The following SPACA9 variants were observed in gnomAD, a reference collection of about 807,000 sequenced individuals.
SPACA9 encodes sperm acrosome-associated protein 9.
SPACA9 carries 14 observed loss-of-function variants against 12.5 expected under a neutral mutation model. The ratio of observed to expected loss-of-function variants is 1.12; its 90% confidence interval spans 0.74 to 1.75. The LOEUF is 1.75. Ranked by LOEUF, SPACA9 falls within the 40% of genes most tolerant of loss-of-function variation. SPACA9 has a pLI of 0.00. For missense variants in SPACA9, 292 were observed against 291.9 expected, an observed-to-expected ratio of 1.00 and a Z score of 0.00; for synonymous variants, 111 against 114.1, an observed-to-expected ratio of 0.97 and a Z score of 0.17.
chr9:132,878,374 G>T, upstream of SPACA9: 2 of 1,248,254 alleles, frequency 1.6e-6, no homozygotes, highest in Non-Finnish European at 2.0e-6. This position sits in a 1 kb window ranked among gnomAD's most constrained non-coding sequence, Gnocchi z 4.7. Context: ...CCAGATACCC[G>T]ATCCTCGGTC....
Position 132,888,398 on chromosome 9 carries a change from C to T in SPACA9, c.456C>T (p.Ile152=), listed in dbSNP as rs201493036. 12 of 1,614,024 alleles carry T rather than the reference C, an allele frequency of 7.4e-6. No individual in the cohort carries two copies. Among genetic ancestry groups the T allele is most frequent in the Admixed American group, 5.0e-5 (3 of 60,022 alleles). ...TCCTAGACTTAATGAAAGAATGGAT[C>T]GCCCACTCCGAGAAGTTGCCGCGCA... ...PLILDLMKEW[I]AHSEKLPRKV... Residue 152 remains isoleucine, a synonymous_variant, in exon 4 of 4, where the codon ATC becomes ATT. Transcript: ENST00000356311. The surrounding 1 kb of genome is among the most constrained non-coding windows in gnomAD (Gnocchi z 5.0).
At position 132,887,610 on chromosome 9, in the gene SPACA9, G is replaced by A. The variant is rs369244458; in HGVS notation, c.347+39G>A. The A allele has an allele frequency of 3.0e-4, 468 of 1,568,932 alleles. 2 individuals are homozygous for A. The African/African-American group carries it at 5.8e-3, about 19-fold the overall frequency. Reference sequence around the variant, plus strand: ...ATGCTGCTCTTGAGGCCCCGTGTGTGCCTGTGGGGAGGCCTCTGTCCTGCT... The same window carrying A: ...ATGCTGCTCTTGAGGCCCCGTGTGTACCTGTGGGGAGGCCTCTGTCCTGCT... On this transcript the variant is annotated intron_variant, in intron 3 of 3. Transcript: ENST00000356311. The surrounding 1 kb of genome is among the most constrained non-coding windows in gnomAD (Gnocchi z 5.4).
At chr9:132,880,646 A>G (rs1054323277) in intron 1 of SPACA9, among the ~76,000 whole-genome samples, 4 of 152,194 alleles carry the variant, frequency 2.6e-5, no homozygotes, top group African/African-American at 9.7e-5. Flanking sequence ...GAGTGCCGGC[A>G]ATTCAATCAT....
chr9:132,889,802 C>A lies in SPACA9; in HGVS notation c.*1191C>A, dbSNP rs2131501260. The A allele has an allele frequency of 7.6e-7, 1 of 1,323,546 alleles. No homozygotes were observed. Among genetic ancestry groups the A allele is most frequent in the South Asian group, 2.6e-5 (1 of 38,472 alleles). The allele number at this position is 1,323,546 out of a possible 1,614,324, so 82.0% of individuals were successfully genotyped here. A position where few individuals can be genotyped will look rare whatever the true frequency, so the allele number is the denominator to read the frequency against. On this transcript the variant is annotated 3_prime_UTR_variant, in exon 4 of 4. Coordinates refer to ENST00000356311, the MANE Select transcript of SPACA9 (RefSeq NM_001316897.2). The stretch of plus-strand genomic sequence containing the variant: ...TTCGCCTTTACTTGGGAGAGGGAGA[C>A]CATGACAGAAGCCAGAATTCTGATT...
intron 2 of SPACA9, among the ~76,000 whole-genome samples, chr9:132,886,708 T>A (rs767427219): frequency 6.6e-6 from 1 of 152,206 alleles, no homozygotes; most frequent in South Asian, 2.1e-4. Context: ...AGGGTTTAGA[T>A]GAAGACAGGC....
intron 2 of SPACA9, among the ~76,000 whole-genome samples, chr9:132,885,214 A>G (rs1300649718): frequency 2.0e-5 from 3 of 151,692 alleles, no homozygotes; most frequent in African/African-American, 7.3e-5. Context: ...TTTAACTCAA[A>G]AAAATGTTAA....
intron 2 of SPACA9, among the ~76,000 whole-genome samples, chr9:132,885,432 G>A (rs1844538422): frequency 7.0e-6 from 1 of 141,936 alleles, no homozygotes; most frequent in Non-Finnish European, 1.5e-5. Flanking sequence ...AGAATCACAT[G>A]AACCCTGGAG....
chr9:132,885,966 C>T (rs1334950760), intron 2 of SPACA9, among the ~76,000 whole-genome samples: 1 of 152,178 alleles, frequency 6.6e-6, no homozygotes, highest in Non-Finnish European at 1.5e-5. Flanking sequence ...GGTTCCTCCT[C>T]CTCGACCCCT....
chr9:132,882,594 A>G (rs895230161), intron 1 of SPACA9, among the ~76,000 whole-genome samples: 2 of 151,590 alleles, frequency 1.3e-5, no homozygotes, highest in Non-Finnish European at 2.9e-5. Flanking sequence ...TGCTCTGGAC[A>G]CAGCAGAAAG....
chr9:132,878,796 C>T (rs922327755), upstream of SPACA9: 88 of 984,888 alleles, frequency 8.9e-5, no homozygotes, highest in Non-Finnish European at 1.0e-4. This position sits in a 1 kb window ranked among gnomAD's most constrained non-coding sequence, Gnocchi z 4.7. Flanking sequence ...CTCCCAGCTC[C>T]CCGGCTCTGG....
Position 132,889,624 on chromosome 9 carries a change from A to T in SPACA9, c.*1013A>T. 1 of 543,866 alleles carries T rather than the reference A, an allele frequency of 1.8e-6. No individual in the cohort carries two copies. Among genetic ancestry groups the T allele is most frequent in the South Asian group, 8.0e-5 (1 of 12,438 alleles). The allele number at this position is 543,866 out of a possible 1,614,324, so 33.7% of individuals were successfully genotyped here. A position where few individuals can be genotyped will look rare whatever the true frequency, so the allele number is the denominator to read the frequency against. ...GAGACGGGGCTTCACCACGTTGGCC[A>T]GGCTGGTCTTGAACTCCTGACCTCA... On this transcript the variant is annotated 3_prime_UTR_variant, in exon 4 of 4. Coordinates refer to ENST00000356311, the MANE Select transcript of SPACA9 (RefSeq NM_001316897.2).
Position 132,889,324 on chromosome 9 carries a change from TG to T in SPACA9, c.*714del. On this transcript the variant is annotated 3_prime_UTR_variant, in exon 4 of 4. Coordinates refer to ENST00000356311, the MANE Select transcript of SPACA9 (RefSeq NM_001316897.2). ...TCCTTGCCCCACCACCAGCCCCAACTGTAGGCAAGGCACACGCTGTTTGCGA... is the reference window on the plus strand; with the variant it reads ...TCCTTGCCCCACCACCAGCCCCAACTTAGGCAAGGCACACGCTGTTTGCGA... 1 of 985,578 alleles carries T rather than the reference TG, an allele frequency of 1.0e-6. No individual in the cohort carries two copies. Among genetic ancestry groups the T allele is most frequent in the Non-Finnish European group, 1.2e-6 (1 of 830,072 alleles). 61.1% of individuals were successfully genotyped at this position (985,578 alleles called of 1,614,324 possible).
rs1269343040 is a variant in SPACA9 at position 132,888,064 on chromosome 9, G to A, written c.348-226G>A. On this transcript the variant is annotated intron_variant, in intron 3 of 3. Coordinates refer to ENST00000356311, the MANE Select transcript of SPACA9 (RefSeq NM_001316897.2). This position sits in a 1 kb window ranked among gnomAD's most constrained non-coding sequence, Gnocchi z 5.0. ...TAACCCAGGTTTCTACGGACCATGG[G>A]GCAGTGGTTTGCATCTCCTGTCTTT... Among the ~76,000 whole-genome samples the A allele has an allele frequency of 1.3e-5, 2 of 152,168 alleles. No individual in the cohort carries two copies. The highest frequency in any genetic ancestry group is 4.1e-4 in the South Asian group (2 of 4,828).
chr9:132,879,292 G>A (rs755369114), intron 1 of SPACA9, among the ~76,000 whole-genome samples: 6 of 152,218 alleles, frequency 3.9e-5, no homozygotes, highest in South Asian at 2.1e-4. Flanking sequence ...AATCGTAGGA[G>A]CTGTAAGAGT....
rs1844672058 is a variant in SPACA9 at position 132,889,311 on chromosome 9, C to G, written c.*700C>G. 1.0e-6 allele frequency: 1 copy of G among 985,672 alleles called. No individual in the cohort carries two copies. 61.1% of individuals were successfully genotyped at this position (985,672 alleles called of 1,614,324 possible). ...GGAGACCATCTGCTCCTTGCCCCAC[C>G]ACCAGCCCCAACTGTAGGCAAGGCA... On this transcript the variant is annotated 3_prime_UTR_variant, in exon 4 of 4. Coordinates refer to ENST00000356311, the MANE Select transcript of SPACA9 (RefSeq NM_001316897.2).
At position 132,889,366 on chromosome 9, in the gene SPACA9, C is replaced by T; in HGVS notation, c.*755C>T. ...CTGTTTGCGAGCCAGGGATGCTCCC[C>T]TCCAGGATGGAGTGGGGGTCGGCAT... On this transcript the variant is annotated 3_prime_UTR_variant, in exon 4 of 4. Coordinates refer to ENST00000356311, the MANE Select transcript of SPACA9 (RefSeq NM_001316897.2). 3.0e-6 allele frequency: 3 copies of T among 985,520 alleles called. No individual in the cohort carries two copies. The highest frequency in any genetic ancestry group is 2.4e-6 in the Non-Finnish European group (2 of 829,994). The allele number at this position is 985,520 out of a possible 1,614,324, so 61.0% of individuals were successfully genotyped here.
Position 132,889,289 on chromosome 9 carries a change from G to T in SPACA9, c.*678G>T, listed in dbSNP as rs1369920752. 3 of 985,758 alleles carry T rather than the reference G, an allele frequency of 3.0e-6. No individual in the cohort carries two copies. The highest frequency in any genetic ancestry group is 6.1e-5 in the Admixed American group (1 of 16,288). 61.1% of individuals were successfully genotyped at this position (985,758 alleles called of 1,614,324 possible). ...TTTTGCAGAGGGTGATCAAGCTGGAGACCATCTGCTCCTTGCCCCACCACC... is the reference window on the plus strand; with the variant it reads ...TTTTGCAGAGGGTGATCAAGCTGGATACCATCTGCTCCTTGCCCCACCACC... On this transcript the variant is annotated 3_prime_UTR_variant, in exon 4 of 4. Transcript: ENST00000356311.
At chr9:132,886,187 T>C (rs1300023935) in intron 2 of SPACA9, among the ~76,000 whole-genome samples, 1 of 152,254 alleles carries the variant, frequency 6.6e-6, no homozygotes, top group East Asian at 1.9e-4. Flanking sequence ...GTCATCAGAT[T>C]GTGGAGAGTA....
In SPACA9 at chr9:132,888,176, C is replaced by T; in HGVS notation, c.348-114C>T. ...CAGAGCGCCTCAGCGTGCTGTGTGTCCAGTTCTAAAGCCTCCCCAGGTGAC... is the reference window on the plus strand; with the variant it reads ...CAGAGCGCCTCAGCGTGCTGTGTGTTCAGTTCTAAAGCCTCCCCAGGTGAC... On this transcript the variant is annotated intron_variant, in intron 3 of 3. Coordinates refer to ENST00000356311, the MANE Select transcript of SPACA9 (RefSeq NM_001316897.2). This position sits in a 1 kb window ranked among gnomAD's most constrained non-coding sequence, Gnocchi z 5.0. The T allele has an allele frequency of 2.0e-6, 3 of 1,496,686 alleles. No homozygotes were observed. The highest frequency in any genetic ancestry group is 2.7e-6 in the Non-Finnish European group (3 of 1,121,010). The allele number at this position is 1,496,686 out of a possible 1,614,324, so 92.7% of individuals were successfully genotyped here.
Sources: allele counts gnomAD v4.1 joint callset (sites outside exome capture counted in the v4.1 genomes callset), GRCh38; gene constraint gnomAD v4.1.1; non-coding constraint Gnocchi (gnomAD v3.1); transcripts MANE v1.5; gene names NCBI Gene and HGNC (gene_info 2026-07-23, HGNC 2026-07-21).